The following EEPD1 variants were observed in gnomAD, a reference collection of about 807,000 sequenced individuals.
EEPD1 encodes endonuclease/exonuclease/phosphatase family domain-containing protein 1.
A neutral mutation model predicts 46.3 loss-of-function variants in EEPD1; 17 were observed. The ratio of observed to expected loss-of-function variants is 0.37; its 90% confidence interval spans 0.25 to 0.55. The LOEUF is 0.55. Among genes scored for constraint, EEPD1 ranks in the 20% least tolerant of loss-of-function variants. The pLI is 0.83. For synonymous variants in EEPD1, 313 were observed against 315.6 expected (o/e 0.99, Z 0.09); for missense variants, 673 against 745.6 (o/e 0.90, Z 1.13).
chr7:36,263,513 G>A (rs184160989), intron 3 of EEPD1, among the ~76,000 whole-genome samples: 3 of 152,346 alleles, frequency 2.0e-5, no homozygotes, highest in East Asian at 3.9e-4. Context: ...AAGCACTGTG[G>A]AGTCACAGAG....
chr7:36,285,903 G>A (rs1218856746), intron 5 of EEPD1, among the ~76,000 whole-genome samples: 2 of 152,146 alleles, frequency 1.3e-5, no homozygotes, highest in African/African-American at 4.8e-5. Context: ...ACACCCAGCA[G>A]CCCCTCTCAT....
rs201785924 is a variant in EEPD1 at position 36,154,454 on chromosome 7, A to G, written c.130A>G (p.Thr44Ala). The G allele has an allele frequency of 4.8e-5, 78 of 1,614,092 alleles. No homozygotes were observed. Among genetic ancestry groups the G allele is most frequent in the Middle Eastern group, 3.3e-4 (2 of 6,062 alleles). ...GAATCAGGAGCGGCTCAACATCAAC[A>G]CTGCCACGGAGGAGGAGCTGATGAC... Reference protein sequence around the residue: ...LVNQERLNINTATEEELMTLP... With the variant: ...LVNQERLNINAATEEELMTLP... The change falls in exon 2 of 8, where the codon ACT becomes GCT. Residue 44 changes from threonine to alanine, a missense_variant. Thr to Ala is a moderately conservative substitution (Grantham distance 58). Coordinates refer to ENST00000242108, the MANE Select transcript of EEPD1 (RefSeq NM_030636.3). The surrounding 1 kb of genome is among the most constrained non-coding windows in gnomAD (Gnocchi z 4.2).
chr7:36,237,224 G>T (rs1786469874), intron 2 of EEPD1, among the ~76,000 whole-genome samples: 1 of 152,164 alleles, frequency 6.6e-6, no homozygotes, highest in African/African-American at 2.4e-5. Flanking sequence ...ACATCCGAAG[G>T]AACAAACTCC....
chr7:36,287,702 G>A lies in EEPD1; in HGVS notation c.1240G>A (p.Glu414Lys), dbSNP rs778869469. The part of the protein sequence containing the change: ...HLAALTLLGS[E>K]NPSKNHSDGH... ...GGCAGCCCTGACCCTCCTGGGGAGC[G>A]AGAATCCCAGCAAGAATCACAGTGA... is the stretch of plus-strand genomic sequence containing the variant. The change falls in exon 6 of 8, where the codon GAG becomes AAG. Residue 414 changes from glutamate to lysine, a missense_variant. Glu to Lys is a moderately conservative substitution (Grantham distance 56, BLOSUM62 1). Coordinates refer to ENST00000242108, the MANE Select transcript of EEPD1 (RefSeq NM_030636.3). 37 of 1,614,042 alleles carry A rather than the reference G, an allele frequency of 2.3e-5. No homozygotes were observed. Among genetic ancestry groups the A allele is most frequent in the African/African-American group, 6.7e-5 (5 of 74,910 alleles).
In EEPD1 at chr7:36,195,738, A is replaced by G. The variant is rs145879316; in HGVS notation, c.878+40536A>G. Among the ~76,000 whole-genome samples, 448 of 152,302 alleles carry G rather than the reference A, an allele frequency of 2.9e-3. 1 individual carries two copies. The highest frequency in any genetic ancestry group is 9.9e-3 in the African/African-American group (411 of 41,554). On this transcript the variant is annotated intron_variant, in intron 2 of 7. Coordinates refer to ENST00000242108, the MANE Select transcript of EEPD1 (RefSeq NM_030636.3). Reference sequence around the variant, plus strand: ...TATTCTATAATTGAAAATTACTGAGAGTAGATTATAAGTGTTCTTATCACA... The same window carrying G: ...TATTCTATAATTGAAAATTACTGAGGGTAGATTATAAGTGTTCTTATCACA...
chr7:36,262,767 A>G (rs1420824622), intron 3 of EEPD1, among the ~76,000 whole-genome samples: 2 of 152,194 alleles, frequency 1.3e-5, no homozygotes, highest in Non-Finnish European at 2.9e-5. Context: ...CTAAGTACAC[A>G]TGCTTGAGCC....
chr7:36,291,266 T>C (rs1562714593), intron 6 of EEPD1, among the ~76,000 whole-genome samples: 1 of 152,232 alleles, frequency 6.6e-6, no homozygotes, highest in South Asian at 2.1e-4. Flanking sequence ...GTGGTTCCGC[T>C]TGTCTGTTGC....
At chr7:36,245,805 C>T (rs1786631331) in intron 3 of EEPD1, among the ~76,000 whole-genome samples, 1 of 152,118 alleles carries the variant, frequency 6.6e-6, no homozygotes, top group Non-Finnish European at 1.5e-5. Context: ...TTTTGTCAAA[C>T]ATCCATTAGG....
rs907362735 is a variant in EEPD1 at position 36,225,490 on chromosome 7, CAGAAAG to C, written c.879-13491_879-13486del. On this transcript the variant is annotated intron_variant, in intron 2 of 7. Transcript: ENST00000242108. The surrounding 1 kb of genome is among the most constrained non-coding windows in gnomAD (Gnocchi z 4.2). Reference sequence around the variant, plus strand: ...CACTCAACCACATTCTGAACAAACTCAGAAAGAGACGGCCACATCTGAGCATACCCT... The same window carrying C: ...CACTCAACCACATTCTGAACAAACTCAGACGGCCACATCTGAGCATACCCT... Among the ~76,000 whole-genome samples, 1 of 152,122 alleles carries C rather than the reference CAGAAAG, an allele frequency of 6.6e-6. No homozygotes were observed. Among genetic ancestry groups the C allele is most frequent in the African/African-American group, 2.4e-5 (1 of 41,410 alleles).
intron 5 of EEPD1, among the ~76,000 whole-genome samples, chr7:36,286,575 C>T (rs1326280039): frequency 6.6e-6 from 1 of 152,200 alleles, no homozygotes; most frequent in Admixed American, 6.5e-5. Flanking sequence ...CTGCACTTGC[C>T]CTTGGGGATG....
At chr7:36,203,348 T>A (rs986549386) in intron 2 of EEPD1, among the ~76,000 whole-genome samples, 7 of 152,182 alleles carry the variant, frequency 4.6e-5, no homozygotes, top group Non-Finnish European at 8.8e-5. Flanking sequence ...ATTCCTGTTT[T>A]GTGTTCATTT....
intron 2 of EEPD1, among the ~76,000 whole-genome samples, chr7:36,176,511 G>A (rs1289997555): frequency 1.3e-5 from 2 of 152,174 alleles, no homozygotes; most frequent in Non-Finnish European, 2.9e-5. Flanking sequence ...ATGTCGTAGC[G>A]CTATGATAGC....
At chr7:36,246,674 C>T (rs1389838561) in intron 3 of EEPD1, among the ~76,000 whole-genome samples, 1 of 152,116 alleles carries the variant, frequency 6.6e-6, no homozygotes, top group Non-Finnish European at 1.5e-5. Context: ...GCCTGTCAGT[C>T]CTCCCTGCTG....
At chr7:36,201,277 G>A (rs1162436671) in intron 2 of EEPD1, among the ~76,000 whole-genome samples, 1 of 152,108 alleles carries the variant, frequency 6.6e-6, no homozygotes, top group African/African-American at 2.4e-5. Flanking sequence ...TGGACAAATG[G>A]CAAAATGTGA....
chr7:36,276,716 T>A (rs1265931896), intron 3 of EEPD1, among the ~76,000 whole-genome samples: 1 of 152,238 alleles, frequency 6.6e-6, no homozygotes, highest in Non-Finnish European at 1.5e-5. Context: ...ACTTTAGAAT[T>A]GCTTGGGGGA....
chr7:36,297,076 C>T lies in EEPD1; in HGVS notation c.1399C>T (p.His467Tyr). Residue 467 changes from histidine to tyrosine, a missense_variant, in exon 7 of 8, where the codon CAC (histidine) becomes TAC (tyrosine). Transcript: ENST00000242108. ...DYDILRKEKF[H>Y]HLIPAHTFTN... ...TGATATCCTGAGGAAAGAAAAGTTC[C>T]ACCACCTGATCCCCGCGCACACCTT... 6.2e-7 allele frequency: 1 copy of T among 1,614,214 alleles called. No individual in the cohort carries two copies. The highest frequency in any genetic ancestry group is 8.5e-7 in the Non-Finnish European group (1 of 1,180,036).
intron 2 of EEPD1, among the ~76,000 whole-genome samples, chr7:36,190,460 A>G (rs921614781): frequency 1.3e-5 from 2 of 151,978 alleles, no homozygotes; most frequent in African/African-American, 2.4e-5. Flanking sequence ...CTTATCCCCC[A>G]CTCTCATTCC....
chr7:36,240,499 G>A (rs1381144459), intron 3 of EEPD1, among the ~76,000 whole-genome samples: 1 of 151,922 alleles, frequency 6.6e-6, no homozygotes, highest in African/African-American at 2.4e-5. Flanking sequence ...GTAGCAAAAG[G>A]GCTTTCTAAA....
intron 2 of EEPD1, among the ~76,000 whole-genome samples, chr7:36,177,890 T>A (rs921253645): frequency 6.6e-6 from 1 of 152,140 alleles, no homozygotes; most frequent in African/African-American, 2.4e-5. Flanking sequence ...TGTTTTGCAT[T>A]TTTAGTAGAG....
Sources: gnomAD v4.1 joint callset for allele counts (sites outside exome capture counted in the v4.1 genomes callset) on GRCh38, gnomAD v4.1.1 for gene constraint, Gnocchi (gnomAD v3.1) non-coding constraint, MANE v1.5 for transcripts, NCBI Gene and HGNC (gene_info 2026-07-23, HGNC 2026-07-21) for gene names.